Variants in ZNF532 observed in about 807,000 individuals in gnomAD.
ZNF532 encodes the protein zinc finger protein 532.
In ZNF532, 22 loss-of-function variants were observed where a neutral mutation model predicts 89.3. The observed-to-expected ratio is 0.25, with a 90% CI of 0.18 to 0.35. ZNF532 has a LOEUF of 0.35. Among genes scored for constraint, ZNF532 ranks in the 10% least tolerant of loss-of-function variants. The pLI is 1.00. For synonymous variants in ZNF532, 606 were observed against 649.6 expected, an observed-to-expected ratio of 0.93 and a Z score of 1.02; for missense variants, 1,132 against 1,643.4, an observed-to-expected ratio of 0.69 and a Z score of 5.38.
intron 7 of ZNF532, among the ~76,000 whole-genome samples, chr18:58,958,554 T>C (rs535220159): frequency 1.3e-5 from 2 of 152,386 alleles, no homozygotes; most frequent in South Asian, 2.1e-4. Flanking sequence ...GCAAGTTGTA[T>C]GTCCATTTTA....
At chr18:58,939,073 C>T (rs981456851) in intron 4 of ZNF532, among the ~76,000 whole-genome samples, 10 of 151,404 alleles carry the variant, frequency 6.6e-5, no homozygotes, top group Non-Finnish European at 1.3e-4. Context: ...ATGGCGAAAC[C>T]CCATCTCTAC....
intron 8 of ZNF532, chr18:58,981,260 T>C: frequency 1.7e-6 from 1 of 602,990 alleles, no homozygotes; most frequent in Non-Finnish European, 3.0e-6. Context: ...AAATGCAATA[T>C]TTTCCCTTTA....
At chr18:58,941,068 A>AT (rs1198178834) in intron 5 of ZNF532, among the ~76,000 whole-genome samples, 1 of 152,034 alleles carries the variant, frequency 6.6e-6, no homozygotes, top group East Asian at 1.9e-4. Flanking sequence ...TCAAAAAAAA[A>AT]AACATGTTGA....
chr18:58,936,184 T>C (rs1009215904), intron 4 of ZNF532, among the ~76,000 whole-genome samples: 4 of 152,224 alleles, frequency 2.6e-5, no homozygotes, highest in African/African-American at 4.8e-5. Context: ...GTCAGTAAAA[T>C]TGGTGCATTG....
chr18:58,939,246 C>CAAAAAAAAAAAACAAAAAAAA (rs2062750363), intron 4 of ZNF532, among the ~76,000 whole-genome samples, 199 bp from the exon 5 acceptor site: 1 of 34,502 alleles, frequency 2.9e-5, no homozygotes, highest in East Asian at 4.2e-4. Flanking sequence ...GACGTTGTCT[C>CAAAAAAAAAAAACAAAAAAAA]AAAAAAAAAA....
At chr18:58,961,584 G>A (rs568037990) in intron 7 of ZNF532, among the ~76,000 whole-genome samples, 32 of 152,106 alleles carry the variant, frequency 2.1e-4, no homozygotes, top group South Asian at 1.2e-3. Flanking sequence ...CGCGTGTACC[G>A]CAAAGGGGAG....
intron 2 of ZNF532, among the ~76,000 whole-genome samples, chr18:58,914,051 A>G (rs1480466139): frequency 6.6e-6 from 1 of 152,256 alleles, no homozygotes; most frequent in East Asian, 1.9e-4. Context: ...AGGAAGAAGA[A>G]TTTTGTTACA....
upstream of ZNF532, chr18:58,863,124 C>T (rs1422877089): frequency 1.3e-5 from 2 of 152,288 alleles, no homozygotes; most frequent in Non-Finnish European, 2.9e-5. Flanking sequence ...GGCTCACGGT[C>T]TTTTCAACCA....
At chr18:58,866,076 A>C (rs776671869) in intron 2 of ZNF532, among the ~76,000 whole-genome samples, 1 of 152,016 alleles carries the variant, frequency 6.6e-6, no homozygotes, top group Non-Finnish European at 1.5e-5. Flanking sequence ...CTCCGACTCA[A>C]GTGGTGGAAT....
At chr18:58,978,200 C>T (rs2147629730) in intron 7 of ZNF532, among the ~76,000 whole-genome samples, 1 of 152,242 alleles carries the variant, frequency 6.6e-6, no homozygotes, top group East Asian at 1.9e-4. Context: ...CTCTCTCATC[C>T]CCTAAGTATA....
chr18:58,947,365 T>C (rs1028870520), intron 5 of ZNF532, among the ~76,000 whole-genome samples: 1 of 152,174 alleles, frequency 6.6e-6, no homozygotes, highest in African/African-American at 2.4e-5. Flanking sequence ...AAGGTTCAGG[T>C]CTGCTGAATT....
chr18:58,920,189 C>T lies in ZNF532; in HGVS notation c.1902C>T (p.His634=), dbSNP rs1003275338. ...CACTTGAAAAGAGTCTGACCCAGCACTACGACAGACGGAGCGTGCGCATCG... is the reference window on the plus strand; with the variant it reads ...CACTTGAAAAGAGTCTGACCCAGCATTACGACAGACGGAGCGTGCGCATCG... ...SFALEKSLTQ[H]YDRRSVRIEV... The change falls in exon 3 of 10, where the codon CAC becomes CAT. Residue 634 remains histidine (H), a synonymous_variant. Coordinates refer to ENST00000591808, the MANE Select transcript of ZNF532 (RefSeq NM_001375912.1). The T allele has an allele frequency of 6.8e-6, 11 of 1,613,652 alleles. No homozygotes were observed. The highest frequency in any genetic ancestry group is 9.3e-6 in the Non-Finnish European group (11 of 1,179,698).
In ZNF532 at chr18:58,984,697, T is replaced by C. The variant is rs1304671412; in HGVS notation, c.*231T>C. 9.9e-6 allele frequency: 4 copies of C among 403,906 alleles called. No homozygotes were observed. In the Admixed American group the frequency reaches 1.6e-4, roughly 16 times the overall value. 25.0% of individuals were successfully genotyped at this position (403,906 alleles called of 1,614,324 possible). A position where few individuals can be genotyped will look rare whatever the true frequency, so the allele number is the denominator to read the frequency against. On this transcript the variant is annotated 3_prime_UTR_variant, in exon 10 of 10. Coordinates refer to ENST00000591808, the MANE Select transcript of ZNF532 (RefSeq NM_001375912.1). ...TAAATGAATAACTTTTTATACTCTT[T>C]GTTACATGTTTGTATCAGTATTTAG...
chr18:58,890,299 T>TAA (rs2058796502), intron 2 of ZNF532, among the ~76,000 whole-genome samples: 2 of 151,844 alleles, frequency 1.3e-5, no homozygotes, highest in Admixed American at 1.3e-4. Flanking sequence ...CGTATATATA[T>TAA]AACTCTTAAG....
chr18:58,873,296 A>T (rs997555960), intron 2 of ZNF532, among the ~76,000 whole-genome samples: 2 of 152,236 alleles, frequency 1.3e-5, no homozygotes, highest in African/African-American at 4.8e-5. Context: ...TGCTGAGATC[A>T]GAGGCATGAG....
Position 58,865,392 on chromosome 18 carries a change from A to G in ZNF532, c.-128+7A>G, listed in dbSNP as rs2056361881. ...CTATTATGAAGGCCAAAAGGTAACA[A>G]TATCGTTCTAGGAAATGAACATAAA... On this transcript the variant is annotated splice_region_variant and intron_variant, in intron 1 of 9. Transcript: ENST00000591808. The G allele has an allele frequency of 6.6e-6, 1 of 152,536 alleles. No homozygotes were observed. The allele number at this position is 152,536 out of a possible 1,614,324, so 9.4% of individuals were successfully genotyped here. A position where few individuals can be genotyped will look rare whatever the true frequency, so the allele number is the denominator to read the frequency against.
chr18:58,896,991 G>A (rs1257179949), intron 2 of ZNF532, among the ~76,000 whole-genome samples: 3 of 152,214 alleles, frequency 2.0e-5, no homozygotes, highest in Non-Finnish European at 4.4e-5. Flanking sequence ...TCTTCAAAGG[G>A]CTGTGGTTTT....
At position 58,910,649 on chromosome 18, in the gene ZNF532, T is replaced by TAGAG. The variant is rs148523057; in HGVS notation, c.-17-7611_-17-7608dup. 4.0e-5 allele frequency among the ~76,000 whole-genome samples: 6 copies of TAGAG among 150,256 alleles called. No individual in the cohort carries two copies. The South Asian group carries it at 1.3e-3, about 32-fold the overall frequency. ...GCCCAGCTAATTTTTGTATTTGTAG[T>TAGAG]AGAGAGAGAGAGAGGGGGTTTCATC... is the stretch of plus-strand genomic sequence containing the variant. On this transcript the variant is annotated intron_variant, in intron 2 of 9. Transcript: ENST00000591808.
chr18:58,900,275 A>C (rs2059519441), intron 2 of ZNF532, among the ~76,000 whole-genome samples: 1 of 152,066 alleles, frequency 6.6e-6, no homozygotes, highest in South Asian at 2.1e-4. Context: ...TTCCTAGGAG[A>C]CTTGTCCATG....
Sources: gnomAD v4.1 joint callset for allele counts (sites outside exome capture counted in the v4.1 genomes callset) on GRCh38, gnomAD v4.1.1 for gene constraint, MANE v1.5 for transcripts, NCBI Gene and HGNC (gene_info 2026-07-23, HGNC 2026-07-21) for gene names.